The following PPEF1 variants were observed in gnomAD, a reference collection of about 807,000 sequenced individuals.
PPEF1 encodes the protein serine/threonine-protein phosphatase with EF-hands 1.
PPEF1 carries 12 observed loss-of-function variants against 53.3 expected under a neutral mutation model. The ratio of observed to expected loss-of-function variants is 0.23; its 90% confidence interval spans 0.14 to 0.36. The LOEUF (loss-of-function observed/expected upper bound fraction) is 0.36. Among genes scored for constraint, PPEF1 ranks in the 10% least tolerant of loss-of-function variants. The pLI, the probability that PPEF1 is intolerant of heterozygous loss-of-function variation, is 1.00. For synonymous variants in PPEF1, 165 were observed against 176.7 expected (o/e 0.93, Z 0.52); for missense variants, 334 against 490.4 (o/e 0.68, Z 3.01).
At chrX:18,818,370 CTT>C (rs11297772) in intron 13 of PPEF1, among the ~76,000 whole-genome samples, 156 of 81,642 alleles carry the variant, frequency 1.9e-3, no homozygotes, top group Middle Eastern at 5.9e-3. Context: ...CTGAATTAAA[CTT>C]TTTTTTTTTT....
chrX:18,820,276 A>G (rs1051508612), intron 13 of PPEF1, among the ~76,000 whole-genome samples: 1 of 112,116 alleles, frequency 8.9e-6, no homozygotes, highest in Non-Finnish European at 1.9e-5. Flanking sequence ...TATTCAAAAC[A>G]AAAATTGACA....
intron 6 of PPEF1, among the ~76,000 whole-genome samples, chrX:18,764,099 G>T (rs1418545402): frequency 9.0e-6 from 1 of 111,589 alleles, no homozygotes; most frequent in Non-Finnish European, 1.9e-5. Flanking sequence ...GCTGACTGCA[G>T]TGAGGGCCTT....
At chrX:18,723,851 C>G (rs1436909949) in intron 1 of PPEF1, among the ~76,000 whole-genome samples, 1 of 109,560 alleles carries the variant, frequency 9.1e-6, no homozygotes, top group Admixed American at 9.7e-5. Flanking sequence ...ATGATCTTGG[C>G]TCACTGCAAC....
intron 10 of PPEF1, among the ~76,000 whole-genome samples, chrX:18,797,317 A>G (rs1719898787): frequency 8.9e-6 from 1 of 111,992 alleles, no homozygotes; most frequent in East Asian, 2.8e-4. Context: ...GGAAATTCAT[A>G]ATTCTTGGCA....
chrX:18,750,324 T>C (rs1243824257), intron 4 of PPEF1, among the ~76,000 whole-genome samples: 1 of 111,589 alleles, frequency 9.0e-6, no homozygotes, highest in African/African-American at 3.3e-5. Context: ...TATCATTGCC[T>C]CCTCCCCACC....
intron 10 of PPEF1, among the ~76,000 whole-genome samples, chrX:18,797,518 C>A (rs7050873): frequency 0.014 from 1,572 of 111,063 alleles, 35 homozygotes; most frequent in African/African-American, 0.049. Context: ...TTTATTCATT[C>A]ATTTAACAGG....
intron 4 of PPEF1, among the ~76,000 whole-genome samples, chrX:18,696,987 C>T (rs894611664): frequency 7.1e-5 from 8 of 112,355 alleles, no homozygotes; most frequent in African/African-American, 2.6e-4. Context: ...TGGGAGCTGC[C>T]CATTAGAACT....
At chrX:18,781,511 A>G (rs2046085435) in intron 7 of PPEF1, among the ~76,000 whole-genome samples, 1 of 111,735 alleles carries the variant, frequency 8.9e-6, no homozygotes, top group African/African-American at 3.3e-5. Context: ...AAAGTTTTCT[A>G]GAAGGATGGT....
At chrX:18,795,029 G>A (rs752282241) in intron 10 of PPEF1, among the ~76,000 whole-genome samples, 5 of 112,029 alleles carry the variant, frequency 4.5e-5, no homozygotes, top group Non-Finnish European at 9.4e-5. Context: ...GTGATTTTCC[G>A]CTGGGCGTGG....
intron 4 of PPEF1, among the ~76,000 whole-genome samples, chrX:18,694,331 T>C (rs1452512189): frequency 8.9e-6 from 1 of 111,826 alleles, no homozygotes; most frequent in East Asian, 2.8e-4. Context: ...GGTAAGTGTA[T>C]GTTCAACTTT....
intron 14 of PPEF1, 137 bp downstream of exon 14, chrX:18,824,223 C>T (rs976952590): frequency 1.1e-5 from 7 of 622,982 alleles, no homozygotes; most frequent in African/African-American, 4.6e-5. Flanking sequence ...GGGCAGATCC[C>T]GAGGTCAGGA....
At chrX:18,758,031 A>G (rs2045584151) in intron 5 of PPEF1, among the ~76,000 whole-genome samples, 1 of 111,030 alleles carries the variant, frequency 9.0e-6, no homozygotes. Context: ...CCCTCCGTCT[A>G]GCTCTCATTA....
chrX:18,821,888 G>C (rs67720708), intron 13 of PPEF1, among the ~76,000 whole-genome samples: 8,596 of 110,670 alleles, frequency 0.078, 853 homozygotes, highest in African/African-American at 0.27. Context: ...ACTTGGAAGG[G>C]ACCCCCTACT....
At chrX:18,678,303 G>A (rs899505750), upstream of PPEF1, among the ~76,000 whole-genome samples, 5 of 108,555 alleles carry the variant, frequency 4.6e-5, no homozygotes, top group African/African-American at 6.7e-5. Flanking sequence ...GCATGGTGGC[G>A]CACACCTGTA....
intron 6 of PPEF1, among the ~76,000 whole-genome samples, chrX:18,777,087 T>C (rs867394267): frequency 1.8e-5 from 2 of 112,332 alleles, no homozygotes; most frequent in African/African-American, 3.2e-5. Flanking sequence ...GAAGATATCA[T>C]CCTCACTTGA....
At chrX:18,802,599 G>A (rs751146026) in intron 10 of PPEF1, among the ~76,000 whole-genome samples, 12 of 111,921 alleles carry the variant, frequency 1.1e-4, no homozygotes, top group Non-Finnish European at 1.9e-4. Context: ...AGATAAACAG[G>A]TTTCCACATT....
intron 13 of PPEF1, among the ~76,000 whole-genome samples, chrX:18,820,915 A>G (rs746246288): frequency 9.0e-6 from 1 of 110,657 alleles, no homozygotes; most frequent in Admixed American, 9.7e-5. Context: ...GAAATGAGAA[A>G]TATACTTAGA....
intron 8 of PPEF1, among the ~76,000 whole-genome samples, chrX:18,783,492 C>T (rs565542051): frequency 3.2e-4 from 35 of 110,390 alleles, no homozygotes; most frequent in African/African-American, 1.1e-3. Context: ...CCAAGGTGGG[C>T]GGATCACCTG....
At chrX:18,697,722 T>C (rs939142045) in intron 4 of PPEF1, 10 of 111,024 alleles carry the variant, frequency 9.0e-5, no homozygotes, top group Non-Finnish European at 1.5e-4. Flanking sequence ...ATCATGTGTA[T>C]TTTTTTTTCT....
Sources: gnomAD v4.1 joint callset for allele counts (sites outside exome capture counted in the v4.1 genomes callset) on GRCh38, gnomAD v4.1.1 for gene constraint, MANE v1.5 for transcripts, NCBI Gene and HGNC (gene_info 2026-07-23, HGNC 2026-07-21) for gene names.